The following ANKS1B variants were observed in gnomAD, a reference collection of about 807,000 sequenced individuals.
The protein encoded by ANKS1B is ankyrin repeat and sterile alpha motif domain containing 1B.
A neutral mutation model predicts 148.3 loss-of-function variants in ANKS1B; 36 were observed. The observed-to-expected ratio is 0.24, with a 90% CI of 0.19 to 0.32. The LOEUF (loss-of-function observed/expected upper bound fraction) is 0.32. Among genes scored for constraint, ANKS1B ranks in the 10% least tolerant of loss-of-function variants. The pLI, the probability that ANKS1B is intolerant of heterozygous loss-of-function variation, is 1.00. For synonymous variants in ANKS1B, 542 were observed against 560.8 expected (o/e 0.97, Z 0.47); for missense variants, 1,157 against 1,542.6 (o/e 0.75, Z 4.19).
At chr12:99,787,417 A>G (rs1363472143) in intron 4 of ANKS1B, among the ~76,000 whole-genome samples, 1 of 152,186 alleles carries the variant, frequency 6.6e-6, no homozygotes, top group Non-Finnish European at 1.5e-5. Flanking sequence ...GCCATGTGAA[A>G]CTATAAGTCA....
intron 12 of ANKS1B, among the ~76,000 whole-genome samples, chr12:99,382,097 T>G (rs886494547): frequency 9.2e-5 from 14 of 152,176 alleles, no homozygotes; most frequent in African/African-American, 3.4e-4. Flanking sequence ...ATAGTAGAGA[T>G]GAAGAGCAGT....
intron 12 of ANKS1B, among the ~76,000 whole-genome samples, chr12:99,377,121 C>T (rs1359806243): frequency 6.6e-6 from 1 of 151,988 alleles, no homozygotes; most frequent in Non-Finnish European, 1.5e-5. Context: ...GATTCTCCTG[C>T]CTCAGCCTCC....
At chr12:99,504,202 C>T (rs1322282088) in intron 10 of ANKS1B, among the ~76,000 whole-genome samples, 3 of 152,092 alleles carry the variant, frequency 2.0e-5, no homozygotes, top group Non-Finnish European at 4.4e-5. Context: ...GTGTATCTTA[C>T]CTAGAAGGTT....
At chr12:98,772,092 G>A (rs1293760693) in intron 25 of ANKS1B, among the ~76,000 whole-genome samples, 1 of 152,208 alleles carries the variant, frequency 6.6e-6, no homozygotes, top group African/African-American at 2.4e-5. Flanking sequence ...AAGTTGAATG[G>A]AAGAATGAAA....
intron 8 of ANKS1B, among the ~76,000 whole-genome samples, chr12:99,721,994 A>G (rs1024702725): frequency 2.0e-5 from 3 of 152,250 alleles, no homozygotes; most frequent in Admixed American, 6.5e-5. Flanking sequence ...CTTAAGCCAA[A>G]TGCTAATCCA....
At chr12:99,842,172 T>C (rs954846499) in intron 1 of ANKS1B, among the ~76,000 whole-genome samples, 7 of 152,134 alleles carry the variant, frequency 4.6e-5, no homozygotes, top group Non-Finnish European at 1.0e-4. Flanking sequence ...AATTATTATA[T>C]ACACAGCCTG....
At chr12:98,761,555 G>GA (rs1230623752) in intron 25 of ANKS1B, among the ~76,000 whole-genome samples, 1 of 152,048 alleles carries the variant, frequency 6.6e-6, no homozygotes, top group Non-Finnish European at 1.5e-5. Context: ...CTTTTCCCTT[G>GA]ATATGGAGCT....
At chr12:99,940,617 T>C (rs1213429070) in intron 1 of ANKS1B, among the ~76,000 whole-genome samples, 1 of 152,152 alleles carries the variant, frequency 6.6e-6, no homozygotes, top group African/African-American at 2.4e-5. Context: ...CCTGAAAAGA[T>C]GGATCCCACA....
chr12:99,677,984 T>A (rs922494188), intron 8 of ANKS1B, among the ~76,000 whole-genome samples: 1 of 147,298 alleles, frequency 6.8e-6, no homozygotes, highest in East Asian at 2.2e-4. Flanking sequence ...AAAAAAAATT[T>A]TTTTTCAGTT....
intron 17 of ANKS1B, among the ~76,000 whole-genome samples, chr12:98,949,447 A>T (rs1444075747): frequency 6.6e-6 from 1 of 152,210 alleles, no homozygotes; most frequent in African/African-American, 2.4e-5. Context: ...AGGATGCCAG[A>T]TAATTTGTTT....
At chr12:99,047,496 C>G (rs1310204237) in intron 17 of ANKS1B, among the ~76,000 whole-genome samples, 2 of 152,136 alleles carry the variant, frequency 1.3e-5, no homozygotes, top group African/African-American at 4.8e-5. Context: ...AAACTTCGCA[C>G]ATAGAAAACA....
intron 9 of ANKS1B, among the ~76,000 whole-genome samples, chr12:99,563,242 G>T (rs10745860): frequency 2.6e-5 from 4 of 151,948 alleles, no homozygotes; most frequent in Admixed American, 2.6e-4. Context: ...TTTCCTTTGC[G>T]TTTACAATTT....
At chr12:99,053,335 AT>A (rs2099967446) in intron 16 of ANKS1B, 26 bp from the exon 17 acceptor site, 1 of 1,543,760 alleles carries the variant, frequency 6.5e-7, no homozygotes, top group Non-Finnish European at 8.7e-7. Flanking sequence ...TTACATTAGG[AT>A]TAAACTGTAT....
At chr12:99,232,095 G>A (rs2086969706) in intron 14 of ANKS1B, among the ~76,000 whole-genome samples, 1 of 152,064 alleles carries the variant, frequency 6.6e-6, no homozygotes, top group African/African-American at 2.4e-5. Context: ...AAGGCTGTAG[G>A]ATAAGTGTTA....
chr12:99,565,275 A>G (rs373023176), intron 9 of ANKS1B, among the ~76,000 whole-genome samples: 67 of 152,294 alleles, frequency 4.4e-4, no homozygotes, highest in African/African-American at 1.5e-3. Context: ...AATGGCATCA[A>G]CTAAATTAGG....
intron 17 of ANKS1B, among the ~76,000 whole-genome samples, chr12:98,939,625 G>C (rs1387493311): frequency 6.6e-6 from 1 of 152,172 alleles, no homozygotes; most frequent in Non-Finnish European, 1.5e-5. Flanking sequence ...AGTACAAACT[G>C]CACTTCTTTT....
intron 14 of ANKS1B, among the ~76,000 whole-genome samples, chr12:99,218,030 C>T (rs1259565863): frequency 2.0e-5 from 3 of 152,092 alleles, no homozygotes; most frequent in African/African-American, 7.2e-5. Context: ...AGAAGACATT[C>T]TCTTTGTGAG....
chr12:99,817,339 A>C (rs1470311113), intron 2 of ANKS1B, among the ~76,000 whole-genome samples: 1 of 151,714 alleles, frequency 6.6e-6, no homozygotes, highest in Non-Finnish European at 1.5e-5. Flanking sequence ...TGCAAGTGAC[A>C]GGATTTCATT....
At chr12:98,915,686 G>A (rs952015347) in intron 17 of ANKS1B, among the ~76,000 whole-genome samples, 1 of 152,088 alleles carries the variant, frequency 6.6e-6, no homozygotes, top group East Asian at 1.9e-4. Flanking sequence ...GGACCAACCT[G>A]GGTGTGTTAC....
Sources: allele counts gnomAD v4.1 joint callset (sites outside exome capture counted in the v4.1 genomes callset), GRCh38; gene constraint gnomAD v4.1.1; transcripts MANE v1.5; gene names NCBI Gene and HGNC (gene_info 2026-07-23, HGNC 2026-07-21).